Variants in AP3B1 observed in about 807,000 individuals in gnomAD.
AP3B1 encodes AP-3 complex subunit beta-1.
AP3B1 carries 61 observed loss-of-function variants against 132.5 expected under a neutral mutation model. The observed-to-expected ratio is 0.46, with a 90% CI of 0.37 to 0.57. The LOEUF (loss-of-function observed/expected upper bound fraction) is 0.57, where lower values mean the gene tolerates loss of function less well. Among genes scored for constraint, AP3B1 ranks in the 20% least tolerant of loss-of-function variants. The probability of loss-of-function intolerance (pLI) is 0.00; values close to 1 mark genes in which losing one functional copy is unlikely to be tolerated. For missense variants in AP3B1, 1,120 were observed against 1,289.4 expected, an observed-to-expected ratio of 0.87 and a Z score of 2.01; for synonymous variants, 388 against 438.3, an observed-to-expected ratio of 0.89 and a Z score of 1.43.
At chr5:78,122,776 G>A (rs1752278346) in intron 17 of AP3B1, among the ~76,000 whole-genome samples, 1 of 152,126 alleles carries the variant, frequency 6.6e-6, no homozygotes, top group Admixed American at 6.5e-5. Flanking sequence ...ACTGCCCAAG[G>A]TAATTTATAG....
chr5:78,092,227 G>C (rs551657714), intron 21 of AP3B1, among the ~76,000 whole-genome samples: 5 of 152,296 alleles, frequency 3.3e-5, no homozygotes, highest in African/African-American at 1.2e-4. Flanking sequence ...ACTGTGGCTT[G>C]GCTAAATACC....
chr5:78,108,182 T>C (rs1455806963), intron 20 of AP3B1, among the ~76,000 whole-genome samples: 1 of 152,168 alleles, frequency 6.6e-6, no homozygotes, highest in African/African-American at 2.4e-5. Flanking sequence ...AAAATATAGA[T>C]TTAGTTAGGC....
chr5:78,044,135 A>G (rs1561371179), intron 22 of AP3B1: 3 of 282,516 alleles, frequency 1.1e-5, no homozygotes, highest in Non-Finnish European at 2.1e-5. Context: ...TTTCTCAGGC[A>G]TCTCGAAAGA....
At chr5:78,058,427 G>T (rs1242051595) in intron 22 of AP3B1, among the ~76,000 whole-genome samples, 2 of 152,046 alleles carry the variant, frequency 1.3e-5, no homozygotes, top group African/African-American at 4.8e-5. Flanking sequence ...TTGAACCCGG[G>T]AGGCGGAGGT....
At chr5:78,053,318 CTT>C (rs1185704769) in intron 22 of AP3B1, among the ~76,000 whole-genome samples, 2 of 151,878 alleles carry the variant, frequency 1.3e-5, no homozygotes, top group Admixed American at 1.3e-4. Flanking sequence ...ACTTTTAAAT[CTT>C]TTTTTTCAAA....
At chr5:78,264,016 T>G (rs556755408) in intron 2 of AP3B1, among the ~76,000 whole-genome samples, 9 of 152,298 alleles carry the variant, frequency 5.9e-5, no homozygotes, top group African/African-American at 2.2e-4. Context: ...CTAGGAAGAA[T>G]AGACTATGCC....
At chr5:78,135,224 T>C (rs1243535866) in intron 15 of AP3B1, among the ~76,000 whole-genome samples, 1 of 152,198 alleles carries the variant, frequency 6.6e-6, no homozygotes, top group East Asian at 1.9e-4. Context: ...CTTTCTTTTT[T>C]AATAGCAGAA....
intron 7 of AP3B1, among the ~76,000 whole-genome samples, chr5:78,208,061 G>T (rs1459216484): frequency 6.6e-6 from 1 of 152,068 alleles, no homozygotes; most frequent in East Asian, 1.9e-4. Context: ...AAAGAAAGGA[G>T]AGAGACAGAC....
At chr5:78,074,463 G>A (rs1749677092) in intron 22 of AP3B1, among the ~76,000 whole-genome samples, 1 of 152,060 alleles carries the variant, frequency 6.6e-6, no homozygotes, top group Non-Finnish European at 1.5e-5. Context: ...ACAGTTCCAT[G>A]ACTACTGACA....
Position 78,003,697 on chromosome 5 carries a change from T to C in AP3B1, c.3132-642A>G, listed in dbSNP as rs376748798. Among the ~76,000 whole-genome samples, 11 of 152,328 alleles carry C rather than the reference T, an allele frequency of 7.2e-5. No individual in the cohort carries two copies. In the South Asian group the frequency reaches 1.9e-3, roughly 26 times the overall value. ...TGAAATGTTTAGGACATTAGATCTT[T>C]CTTTCTGTAGAGTGTAAACAAAAAC... On this transcript the variant is annotated intron_variant, in intron 26 of 26. Coordinates refer to ENST00000255194, the MANE Select transcript of AP3B1 (RefSeq NM_003664.5).
At chr5:78,107,629 G>A (rs2112246420) in intron 20 of AP3B1, among the ~76,000 whole-genome samples, 1 of 152,252 alleles carries the variant, frequency 6.6e-6, no homozygotes, top group Non-Finnish European at 1.5e-5. Flanking sequence ...GGAAAAGTAG[G>A]GTAAATGGAG....
intron 7 of AP3B1, among the ~76,000 whole-genome samples, chr5:78,187,152 T>C (rs1186752293): frequency 3.9e-5 from 6 of 152,206 alleles, no homozygotes; most frequent in African/African-American, 1.4e-4. Flanking sequence ...TATACTTTTA[T>C]ATCAAAGCTG....
chr5:78,172,868 G>C (rs1743979689), intron 11 of AP3B1, among the ~76,000 whole-genome samples: 1 of 152,160 alleles, frequency 6.6e-6, no homozygotes, highest in African/African-American at 2.4e-5. Context: ...GTCGATTTTA[G>C]ATCTTTACTG....
At chr5:78,109,596 T>C (rs191384991) in intron 20 of AP3B1, among the ~76,000 whole-genome samples, 508 of 152,280 alleles carry the variant, frequency 3.3e-3, no homozygotes, top group Middle Eastern at 0.02. Flanking sequence ...CTGAATTCTA[T>C]ATTTTTATTC....
chr5:78,047,596 G>T (rs1007217224), intron 22 of AP3B1, among the ~76,000 whole-genome samples: 3 of 151,980 alleles, frequency 2.0e-5, no homozygotes, highest in Admixed American at 1.3e-4. Context: ...TAGATTCTGG[G>T]TATTAGACCT....
chr5:78,039,703 A>G (rs1392249424), intron 22 of AP3B1, among the ~76,000 whole-genome samples: 4 of 150,210 alleles, frequency 2.7e-5, no homozygotes, highest in South Asian at 2.1e-4. Flanking sequence ...GCGTGAACCC[A>G]GGAGGCGGAG....
rs767748684 is a variant in AP3B1, at chr5:78,225,601, G to A, written c.544C>T (p.Pro182Ser). 13 of 1,570,402 alleles carry A rather than the reference G, an allele frequency of 8.3e-6. No individual in the cohort carries two copies. The highest frequency in any genetic ancestry group is 1.7e-5 in the Admixed American group (1 of 59,526). ...HAIQKLYSLDPEQKEMLIEVI... is the reference protein window; with the variant it reads ...HAIQKLYSLDSEQKEMLIEVI... Reference sequence around the variant, plus strand: ...TCAATTAACATTTCCTTCTGCTCTGGATCAAGGCTAAAAAATACAAAAATA... The same window carrying A: ...TCAATTAACATTTCCTTCTGCTCTGAATCAAGGCTAAAAAATACAAAAATA... Residue 182 changes from proline (P) to serine (S), a missense_variant, in exon 6 of 27, where the codon CCA (proline) becomes TCA (serine). Transcript: ENST00000255194.
chr5:78,274,197 T>C (rs1036262474), intron 1 of AP3B1, among the ~76,000 whole-genome samples: 22 of 151,612 alleles, frequency 1.5e-4, no homozygotes, highest in Non-Finnish European at 5.9e-5. Flanking sequence ...GTAGAATCCA[T>C]ACAAAACAAC....
At chr5:78,260,406 A>C (rs1180351701) in intron 2 of AP3B1, among the ~76,000 whole-genome samples, 4 of 152,082 alleles carry the variant, frequency 2.6e-5, no homozygotes, top group Admixed American at 1.3e-4. Flanking sequence ...GTTCAAGACT[A>C]GCATGATGAA....
Sources: gnomAD v4.1 joint callset for allele counts (sites outside exome capture counted in the v4.1 genomes callset) on GRCh38, gnomAD v4.1.1 for gene constraint, MANE v1.5 for transcripts, NCBI Gene and HGNC (gene_info 2026-07-23, HGNC 2026-07-21) for gene names.